The following MACROD2 variants were observed in gnomAD, a reference collection of about 807,000 sequenced individuals.
The protein encoded by MACROD2 is ADP-ribose glycohydrolase MACROD2.
In MACROD2, 36 loss-of-function variants were observed where a neutral mutation model predicts 70.4. The observed-to-expected ratio is 0.51, with a 90% confidence interval of 0.39 to 0.68. MACROD2 has a LOEUF of 0.68. Ranked by LOEUF, MACROD2 falls within the 30% of genes least tolerant of loss-of-function variation. The pLI is 0.00. For synonymous variants in MACROD2, 172 were observed against 178.8 expected (o/e 0.96, Z 0.30); for missense variants, 496 against 538.4 (o/e 0.92, Z 0.78).
intron 2 of MACROD2, among the ~76,000 whole-genome samples, chr20:14,023,614 C>T (rs1399081835): frequency 2.6e-5 from 4 of 152,210 alleles, no homozygotes; most frequent in Non-Finnish European, 5.9e-5. Flanking sequence ...CAGTTTTCTG[C>T]ATATGGCTTG....
intron 7 of MACROD2, among the ~76,000 whole-genome samples, chr20:15,487,059 G>A (rs546054240): frequency 4.9e-4 from 74 of 152,162 alleles, no homozygotes; most frequent in South Asian, 1.2e-3. Context: ...TAGTTATCTC[G>A]GACATTCTCT....
rs112796409 is a variant in MACROD2, at chr20:14,992,342, G to T, written c.419-237598G>T. Among the ~76,000 whole-genome samples, 1,422 of 152,248 alleles carry T rather than the reference G, an allele frequency of 9.3e-3. 22 individuals carry two copies. The highest frequency in any genetic ancestry group is 0.032 in the African/African-American group (1,349 of 41,548). The stretch of plus-strand genomic sequence containing the variant: ...AGAATGTAGGTGTTGTAACACATCT[G>T]CCTAGAAGCTAGTTAAAATGCATGT... On this transcript the variant is annotated intron_variant, in intron 5 of 17. Transcript: ENST00000684519.
intron 8 of MACROD2, among the ~76,000 whole-genome samples, chr20:15,610,989 A>AT (rs1600665066): frequency 3.8e-5 from 3 of 79,868 alleles, no homozygotes; most frequent in Admixed American, 1.2e-4. Context: ...TTAGCCAAAA[A>AT]TCTTTTTTTT....
At chr20:16,041,096 A>G in intron 15 of MACROD2, 105 bp from the exon 16 acceptor site, 1 of 900,260 alleles carries the variant, frequency 1.1e-6, no homozygotes. Context: ...GAATCCCAGG[A>G]GTATTTTTGA....
At position 14,788,995 on chromosome 20, in the gene MACROD2, C is replaced by T. The variant is rs534950767; in HGVS notation, c.418+104036C>T. Among the ~76,000 whole-genome samples the T allele has an allele frequency of 5.0e-4, 76 of 151,970 alleles. 1 individual carries two copies. The highest frequency in any genetic ancestry group is 1.8e-3 in the African/African-American group (73 of 41,370). On this transcript the variant is annotated intron_variant, in intron 5 of 17. Coordinates refer to ENST00000684519, the MANE Select transcript of MACROD2 (RefSeq NM_001351661.2). The stretch of plus-strand genomic sequence containing the variant: ...TGTTGGTCAGGCTGGTCTCGAACTC[C>T]TGACCTCAGGTGATCTGCCTGCCTC...
intron 5 of MACROD2, among the ~76,000 whole-genome samples, chr20:14,932,921 T>C (rs115787745): frequency 0.012 from 1,901 of 152,256 alleles, 29 homozygotes; most frequent in African/African-American, 0.042. Flanking sequence ...TGATGAAATT[T>C]GGATAATTAT....
At chr20:15,773,179 T>C (rs1365041808) in intron 8 of MACROD2, among the ~76,000 whole-genome samples, 4 of 152,150 alleles carry the variant, frequency 2.6e-5, no homozygotes, top group Non-Finnish European at 4.4e-5. Flanking sequence ...CGTCAGATGA[T>C]TAAATAATGA....
At chr20:15,665,237 G>A (rs945900138) in intron 8 of MACROD2, among the ~76,000 whole-genome samples, 9 of 152,172 alleles carry the variant, frequency 5.9e-5, no homozygotes, top group African/African-American at 1.9e-4. Context: ...TATGCCAGTT[G>A]TGAGTCTTCT....
intron 7 of MACROD2, among the ~76,000 whole-genome samples, chr20:15,496,183 A>G (rs1319700479): frequency 1.2e-4 from 19 of 152,254 alleles, no homozygotes; most frequent in Admixed American, 1.2e-3. Context: ...TGCTTGTGAA[A>G]GAGTATTCCT....
At chr20:14,107,880 G>A (rs1488663379) in intron 3 of MACROD2, among the ~76,000 whole-genome samples, 1 of 152,038 alleles carries the variant, frequency 6.6e-6, no homozygotes, top group Non-Finnish European at 1.5e-5. Context: ...AAATCCTAAA[G>A]GGAGTTCTTC....
chr20:14,216,044 A>G (rs891711510), intron 3 of MACROD2, among the ~76,000 whole-genome samples: 2 of 151,172 alleles, frequency 1.3e-5, no homozygotes, highest in African/African-American at 4.9e-5. Flanking sequence ...CTTTTTTTTT[A>G]TTGCATTTGC....
chr20:14,874,301 T>C (rs1260804666), intron 5 of MACROD2, among the ~76,000 whole-genome samples: 1 of 151,064 alleles, frequency 6.6e-6, no homozygotes, highest in Non-Finnish European at 1.5e-5. Flanking sequence ...TTTATTTATT[T>C]ATTTATTTAT....
chr20:14,436,849 A>T (rs1189475541), intron 3 of MACROD2, among the ~76,000 whole-genome samples: 2 of 152,208 alleles, frequency 1.3e-5, no homozygotes, highest in East Asian at 3.8e-4. Context: ...AGACACAGTG[A>T]TGTGTATTAA....
intron 10 of MACROD2, among the ~76,000 whole-genome samples, chr20:15,923,601 G>A (rs1264204219): frequency 2.6e-5 from 4 of 152,256 alleles, no homozygotes; most frequent in Middle Eastern, 3.4e-3. Flanking sequence ...TCCCATCTCC[G>A]CTGAACCAGA....
intron 5 of MACROD2, among the ~76,000 whole-genome samples, chr20:14,750,304 TAGTTA>T (rs2071853506): frequency 6.6e-6 from 1 of 152,138 alleles, no homozygotes; most frequent in African/African-American, 2.4e-5. Flanking sequence ...TTTTCAAAGT[TAGTTA>T]AAACAGTGTT....
intron 4 of MACROD2, among the ~76,000 whole-genome samples, chr20:14,543,975 A>G (rs1247503097): frequency 3.3e-5 from 5 of 152,200 alleles, no homozygotes; most frequent in Non-Finnish European, 7.3e-5. Flanking sequence ...ACTAATATTC[A>G]CTAAATGTCT....
At chr20:14,251,438 G>C (rs2082011450) in intron 3 of MACROD2, among the ~76,000 whole-genome samples, 1 of 152,024 alleles carries the variant, frequency 6.6e-6, no homozygotes, top group Non-Finnish European at 1.5e-5. Flanking sequence ...GGGTATATCT[G>C]AGTAAGATTT....
chr20:14,821,372 A>G (rs1010502880), intron 5 of MACROD2, among the ~76,000 whole-genome samples: 1 of 151,978 alleles, frequency 6.6e-6, no homozygotes, highest in Non-Finnish European at 1.5e-5. Flanking sequence ...TAACTAGCAG[A>G]GAGTTTGGTC....
intron 8 of MACROD2, among the ~76,000 whole-genome samples, chr20:15,628,133 C>A (rs549120822): frequency 6.6e-6 from 1 of 152,242 alleles, no homozygotes; most frequent in Non-Finnish European, 1.5e-5. Flanking sequence ...AGGGAAATAA[C>A]CTACAGGGCT....
Sources: allele counts gnomAD v4.1 joint callset (sites outside exome capture counted in the v4.1 genomes callset), GRCh38; gene constraint gnomAD v4.1.1; transcripts MANE v1.5; gene names NCBI Gene and HGNC (gene_info 2026-07-23, HGNC 2026-07-21).